PLPPR1: variants seen among roughly 807,000 people sequenced by gnomAD.
The protein encoded by PLPPR1 is phospholipid phosphatase-related protein type 1.
PLPPR1 carries 10 observed loss-of-function variants against 33.1 expected under a neutral mutation model. The ratio of observed to expected loss-of-function variants is 0.30; its 90% CI spans 0.19 to 0.51. The LOEUF (loss-of-function observed/expected upper bound fraction) is 0.51, where lower values mean the gene tolerates loss of function less well. Among genes scored for constraint, PLPPR1 ranks in the 20% least tolerant of loss-of-function variants. PLPPR1 has a pLI of 0.97. For synonymous variants in PLPPR1, 151 were observed against 151.0 expected (o/e 1.00, Z 0.00); for missense variants, 304 against 408.1 (o/e 0.74, Z 2.20).
intron 1 of PLPPR1, among the ~76,000 whole-genome samples, chr9:101,046,303 G>A (rs372604932): frequency 7.7e-4 from 117 of 151,508 alleles, no homozygotes; most frequent in African/African-American, 2.6e-3. Context: ...AATGCATGAC[G>A]CCCTCCCCTT....
chr9:101,114,222 A>G (rs1056827385), intron 1 of PLPPR1, among the ~76,000 whole-genome samples: 7 of 152,216 alleles, frequency 4.6e-5, no homozygotes, highest in Admixed American at 3.3e-4. Flanking sequence ...GCTTTAATGT[A>G]TCATTTCATC....
At chr9:101,051,296 A>G (rs1830219765) in intron 1 of PLPPR1, among the ~76,000 whole-genome samples, 1 of 151,736 alleles carries the variant, frequency 6.6e-6, no homozygotes, top group Non-Finnish European at 1.5e-5. Flanking sequence ...TACTACTACC[A>G]CTACCACTAT....
intron 1 of PLPPR1, 181 bp from the exon 2 acceptor site, chr9:101,185,269 A>C: frequency 2.3e-6 from 1 of 437,940 alleles, no homozygotes; most frequent in Non-Finnish European, 4.0e-6. Flanking sequence ...AGTATATATT[A>C]TTTGCTTTTT....
intron 1 of PLPPR1, among the ~76,000 whole-genome samples, chr9:101,114,697 C>G (rs557731950): frequency 6.6e-6 from 1 of 152,302 alleles, no homozygotes; most frequent in Non-Finnish European, 1.5e-5. Flanking sequence ...GGGATTTGAA[C>G]TTTATCTGGT....
intron 2 of PLPPR1, among the ~76,000 whole-genome samples, chr9:101,238,230 CTA>C (rs1399038476): frequency 7.4e-6 from 1 of 134,550 alleles, no homozygotes; most frequent in Non-Finnish European, 1.6e-5. Context: ...ATACACCTCT[CTA>C]TATATACCTA....
intron 1 of PLPPR1, among the ~76,000 whole-genome samples, chr9:101,129,584 C>G (rs1173727166): frequency 6.6e-6 from 1 of 152,164 alleles, no homozygotes; most frequent in Non-Finnish European, 1.5e-5. Flanking sequence ...GTAATCCCAG[C>G]ACTTTGGGAG....
intron 1 of PLPPR1, among the ~76,000 whole-genome samples, chr9:101,181,728 T>G (rs927711270): frequency 2.1e-3 from 20 of 9,526 alleles, no homozygotes; most frequent in South Asian, 0.011. Context: ...TATTTGGGGG[T>G]GTGTGTGTGT....
chr9:101,254,803 T>A (rs1345936205), intron 2 of PLPPR1, among the ~76,000 whole-genome samples: 1 of 152,182 alleles, frequency 6.6e-6, no homozygotes, highest in Admixed American at 6.5e-5. Context: ...TTACTTATTT[T>A]CCTGTTCCCT....
chr9:101,222,324 T>C (rs1826960445), intron 2 of PLPPR1, among the ~76,000 whole-genome samples: 1 of 152,224 alleles, frequency 6.6e-6, no homozygotes, highest in Non-Finnish European at 1.5e-5. Context: ...GTCTACCATT[T>C]TTCCATCATA....
At chr9:101,090,718 A>AAAACAAACAAAC (rs55685639) in intron 1 of PLPPR1, among the ~76,000 whole-genome samples, 2,343 of 150,040 alleles carry the variant, frequency 0.016, 15 homozygotes, top group Non-Finnish European at 0.021. Flanking sequence ...ACTCTGTCTC[A>AAAACAAACAAAC]AAACAAACAA....
At chr9:101,277,417 G>C (rs946571628) in intron 3 of PLPPR1, among the ~76,000 whole-genome samples, 1 of 152,148 alleles carries the variant, frequency 6.6e-6, no homozygotes, top group African/African-American at 2.4e-5. Flanking sequence ...TTGCTTTCAG[G>C]GAAGGTTACT....
chr9:101,135,482 G>A (rs527701751), intron 1 of PLPPR1, among the ~76,000 whole-genome samples: 2 of 152,110 alleles, frequency 1.3e-5, no homozygotes, highest in Admixed American at 6.5e-5. Flanking sequence ...GTTTTGTTTT[G>A]TTTGGTTTTC....
intron 2 of PLPPR1, among the ~76,000 whole-genome samples, chr9:101,251,272 A>C (rs1827708471): frequency 6.6e-6 from 1 of 152,054 alleles, no homozygotes; most frequent in Non-Finnish European, 1.5e-5. Context: ...TTAGTGAATG[A>C]ATCATTTTTT....
chr9:101,194,081 C>T (rs551057564), intron 2 of PLPPR1, among the ~76,000 whole-genome samples: 3 of 152,282 alleles, frequency 2.0e-5, no homozygotes, highest in East Asian at 1.9e-4. Flanking sequence ...GATACAGGCT[C>T]ATTTTGTTTG....
At chr9:101,226,991 G>A (rs1174330561) in intron 2 of PLPPR1, among the ~76,000 whole-genome samples, 1 of 152,162 alleles carries the variant, frequency 6.6e-6, no homozygotes, top group African/African-American at 2.4e-5. Flanking sequence ...GGCACCAAAA[G>A]AGGCTGAACC....
intron 1 of PLPPR1, among the ~76,000 whole-genome samples, chr9:101,166,152 G>A (rs1564163439): frequency 6.6e-6 from 1 of 152,222 alleles, no homozygotes; most frequent in South Asian, 2.1e-4. Flanking sequence ...ATCACTGCAC[G>A]TCCACATTGC....
intron 1 of PLPPR1, among the ~76,000 whole-genome samples, chr9:101,126,922 A>G (rs1831252195): frequency 6.6e-6 from 1 of 152,046 alleles, no homozygotes; most frequent in Non-Finnish European, 1.5e-5. Context: ...GAATTTTTGT[A>G]TCATCTTTAT....
In PLPPR1 at chr9:101,037,356, C is replaced by A. The variant is rs376198675; in HGVS notation, c.-46+8254C>A. Among the ~76,000 whole-genome samples, 31 of 152,108 alleles carry A rather than the reference C, an allele frequency of 2.0e-4. No individual in the cohort carries two copies. In the South Asian group the frequency reaches 2.1e-3, roughly 10 times the overall value. ...CAAGTGTTCTAGAAATGCTTACAGA[C>A]ACAGGGTGAAGAAAAAGTGATCATA... On this transcript the variant is annotated intron_variant, in intron 1 of 7. Transcript: ENST00000374874.
At chr9:101,036,317 A>G (rs73656426) in intron 1 of PLPPR1, among the ~76,000 whole-genome samples, 19 of 152,306 alleles carry the variant, frequency 1.2e-4, no homozygotes, top group African/African-American at 4.6e-4. Flanking sequence ...TGAACTGCTA[A>G]TAAGCATTTC....
Sources: gnomAD v4.1 joint callset for allele counts (sites outside exome capture counted in the v4.1 genomes callset) on GRCh38, gnomAD v4.1.1 for gene constraint, MANE v1.5 for transcripts, NCBI Gene and HGNC (gene_info 2026-07-23, HGNC 2026-07-21) for gene names.